Variants in GALNT17 observed in about 807,000 individuals in gnomAD.
The protein encoded by GALNT17 is UDP-GalNAc:polypeptide N-acetylgalactosaminyltransferase-like 3.
A neutral mutation model predicts 63.7 loss-of-function variants in GALNT17; 29 were observed. The ratio of observed to expected loss-of-function variants is 0.46; its 90% CI spans 0.34 to 0.62. The LOEUF (loss-of-function observed/expected upper bound fraction) is 0.62. Ranked by LOEUF, GALNT17 falls within the 20% of genes least tolerant of loss-of-function variation. GALNT17 has a pLI of 0.01. For missense variants in GALNT17, 603 were observed against 799.6 expected, an observed-to-expected ratio of 0.75 and a Z score of 2.97; for synonymous variants, 305 against 318.3, an observed-to-expected ratio of 0.96 and a Z score of 0.45.
intron 2 of GALNT17, among the ~76,000 whole-genome samples, chr7:71,352,995 T>TGAATGGGAGGGAAGAAATGAGAGAGCA (rs1792216428): frequency 1.3e-5 from 2 of 149,166 alleles, no homozygotes; most frequent in Non-Finnish European, 3.0e-5. Flanking sequence ...GATTAAGGAG[T>TGAATGGGAGGGAAGAAATGAGAGAGCA]GAATGGGAGG....
At chr7:71,452,022 C>A (rs1278072035) in intron 5 of GALNT17, among the ~76,000 whole-genome samples, 6 of 151,638 alleles carry the variant, frequency 4.0e-5, no homozygotes, top group African/African-American at 1.5e-4. Flanking sequence ...TGAGCCTGGA[C>A]AATATAGCAA....
At chr7:71,466,983 C>T (rs554958687) in intron 5 of GALNT17, among the ~76,000 whole-genome samples, 3 of 151,914 alleles carry the variant, frequency 2.0e-5, no homozygotes, top group Admixed American at 6.6e-5. Flanking sequence ...GAGGCTGTCA[C>T]GGGCCATGGC....
intron 5 of GALNT17, among the ~76,000 whole-genome samples, chr7:71,563,778 A>C (rs1374977356): frequency 6.6e-6 from 1 of 151,964 alleles, no homozygotes; most frequent in Admixed American, 6.6e-5. Context: ...GGGTCTCGCT[A>C]TGTTGCCCAG....
chr7:71,655,606 C>G (rs79502847), intron 6 of GALNT17, among the ~76,000 whole-genome samples: 4,189 of 152,220 alleles, frequency 0.028, 180 homozygotes, highest in African/African-American at 0.089. Flanking sequence ...AAATAGTTTC[C>G]GGGGGAAGAA....
At chr7:71,460,429 G>C (rs1053649975) in intron 5 of GALNT17, among the ~76,000 whole-genome samples, 1 of 152,180 alleles carries the variant, frequency 6.6e-6, no homozygotes, top group Non-Finnish European at 1.5e-5. Flanking sequence ...CATTTTTGTG[G>C]TCACTGCCCA....
chr7:71,628,274 A>T (rs1584099731), intron 6 of GALNT17, among the ~76,000 whole-genome samples: 1 of 152,196 alleles, frequency 6.6e-6, no homozygotes, highest in Non-Finnish European at 1.5e-5. Flanking sequence ...TTATTATTAG[A>T]TTCAACCGAC....
At chr7:71,277,566 A>G (rs893273070) in intron 1 of GALNT17, among the ~76,000 whole-genome samples, 6 of 152,258 alleles carry the variant, frequency 3.9e-5, no homozygotes, top group Non-Finnish European at 5.9e-5. Context: ...ATGACATGTC[A>G]CATTTTTAAA....
At chr7:71,622,870 C>A (rs1267767680) in intron 6 of GALNT17, among the ~76,000 whole-genome samples, 1 of 152,198 alleles carries the variant, frequency 6.6e-6, no homozygotes, top group Non-Finnish European at 1.5e-5. Flanking sequence ...AAACCCTGTG[C>A]TGGACTTTGA....
At chr7:71,393,012 C>T (rs139066346) in intron 3 of GALNT17, among the ~76,000 whole-genome samples, 2 of 152,260 alleles carry the variant, frequency 1.3e-5, no homozygotes, top group African/African-American at 4.8e-5. Context: ...TTCTGGTAGG[C>T]TATGAGTTTA....
chr7:71,455,611 G>C (rs1787340976), intron 5 of GALNT17, among the ~76,000 whole-genome samples: 1 of 151,690 alleles, frequency 6.6e-6, no homozygotes, highest in African/African-American at 2.4e-5. Flanking sequence ...CCAGACCCCA[G>C]ACCAGACCCT....
At chr7:71,527,104 C>T (rs1584026625) in intron 5 of GALNT17, among the ~76,000 whole-genome samples, 2 of 152,250 alleles carry the variant, frequency 1.3e-5, no homozygotes, top group South Asian at 4.2e-4. Flanking sequence ...ATCTAGAAGG[C>T]ATTCAGGCTG....
intron 1 of GALNT17, among the ~76,000 whole-genome samples, chr7:71,161,546 A>G (rs1362131360): frequency 2.6e-5 from 4 of 152,192 alleles, no homozygotes; most frequent in African/African-American, 9.7e-5. Flanking sequence ...TGGGATGGGC[A>G]GGGCAGGTTT....
At chr7:71,356,872 T>A (rs887687492) in intron 2 of GALNT17, among the ~76,000 whole-genome samples, 2 of 152,072 alleles carry the variant, frequency 1.3e-5, no homozygotes, top group Non-Finnish European at 2.9e-5. Flanking sequence ...ACCACCGCCT[T>A]CTGGGTTCAA....
chr7:71,260,669 C>G (rs1790369623), intron 1 of GALNT17, among the ~76,000 whole-genome samples: 1 of 150,952 alleles, frequency 6.6e-6, no homozygotes, highest in Admixed American at 6.6e-5. Context: ...GTGGTATGAT[C>G]CCAGCTCTCT....
At chr7:71,205,388 G>A (rs916934982) in intron 1 of GALNT17, among the ~76,000 whole-genome samples, 9 of 151,848 alleles carry the variant, frequency 5.9e-5, no homozygotes, top group South Asian at 2.1e-4. Context: ...TCTTGACCTC[G>A]TGATCCGCCT....
intron 5 of GALNT17, among the ~76,000 whole-genome samples, chr7:71,447,551 G>A (rs1463779868): frequency 6.6e-6 from 1 of 151,986 alleles, no homozygotes; most frequent in Non-Finnish European, 1.5e-5. Context: ...TTTTGGTTAA[G>A]GGATACTTGA....
chr7:71,588,341 T>C (rs1282602779), intron 6 of GALNT17, among the ~76,000 whole-genome samples: 1 of 152,150 alleles, frequency 6.6e-6, no homozygotes, highest in African/African-American at 2.4e-5. Context: ...TACTAACAAG[T>C]TGATTGGATG....
rs983944363 is a variant in GALNT17, at chr7:71,709,799, A to G, written c.1501-962A>G. ...GTTTTAGAAGAGACGGAGTTTGGCC[A>G]TGTTGGTCAGGCTGGTCTCGAACTC... is the stretch of plus-strand genomic sequence containing the variant. On this transcript the variant is annotated intron_variant, in intron 9 of 10. Transcript: ENST00000333538. 2.6e-5 allele frequency among the ~76,000 whole-genome samples: 4 copies of G among 152,020 alleles called. No individual in the cohort carries two copies. The East Asian group carries it at 7.7e-4, about 29-fold the overall frequency.
At chr7:71,429,787 A>T (rs1022553952) in intron 5 of GALNT17, among the ~76,000 whole-genome samples, 2 of 152,102 alleles carry the variant, frequency 1.3e-5, no homozygotes, top group Admixed American at 6.5e-5. Context: ...GCTCATTGCA[A>T]TCTCCACCTC....
Sources: gnomAD v4.1 joint callset for allele counts (sites outside exome capture counted in the v4.1 genomes callset) on GRCh38, gnomAD v4.1.1 for gene constraint, MANE v1.5 for transcripts, NCBI Gene and HGNC (gene_info 2026-07-23, HGNC 2026-07-21) for gene names.